Variants in POFUT3 observed in about 807,000 individuals in gnomAD.
POFUT3 encodes the protein GDP-fucose protein O-fucosyltransferase 3.
the POFUT3 span, among the ~76,000 whole-genome samples, chr8:33,411,270 C>T: frequency 4.1e-4 from 63 of 152,270 alleles, no homozygotes; most frequent in African/African-American, 1.2e-3. Flanking sequence ...GACAGGGCAA[C>T]GCTGAAGTCG....
At chr8:33,423,555 C>A in the POFUT3 span, among the ~76,000 whole-genome samples, 1 of 152,122 alleles carries the variant, frequency 6.6e-6, no homozygotes, top group Non-Finnish European at 1.5e-5. Flanking sequence ...CAGGTGTGAG[C>A]CACCATTTCC....
At chr8:33,416,934 G>A in the POFUT3 span, among the ~76,000 whole-genome samples, 4 of 152,110 alleles carry the variant, frequency 2.6e-5, no homozygotes, top group African/African-American at 9.7e-5. Flanking sequence ...CTCTACTTGG[G>A]AAACAGTTAG....
the POFUT3 span, among the ~76,000 whole-genome samples, chr8:33,356,515 GGTT>G: frequency 6.6e-6 from 1 of 151,932 alleles, no homozygotes; most frequent in Non-Finnish European, 1.5e-5. Flanking sequence ...TTTTTGATGG[GGTT>G]GTTTTTTTTT....
At chr8:33,422,926 C>T in the POFUT3 span, among the ~76,000 whole-genome samples, 1 of 152,176 alleles carries the variant, frequency 6.6e-6, no homozygotes, top group South Asian at 2.1e-4. Flanking sequence ...AGCAATGCTC[C>T]CACCTCAGCC....
chr8:33,313,883 A>G, the POFUT3 span, among the ~76,000 whole-genome samples: 1 of 151,866 alleles, frequency 6.6e-6, no homozygotes, highest in East Asian at 1.9e-4. Flanking sequence ...ATGGCTCCCA[A>G]CTCTAACCCC....
At chr8:33,378,268 C>G in the POFUT3 span, among the ~76,000 whole-genome samples, 1 of 152,102 alleles carries the variant, frequency 6.6e-6, no homozygotes. Flanking sequence ...TAAGCCACTG[C>G]GGGAGCAGTA....
chr8:33,382,791 G>A, the POFUT3 span, among the ~76,000 whole-genome samples: 1 of 152,136 alleles, frequency 6.6e-6, no homozygotes. Flanking sequence ...AGGCATGAAC[G>A]AGGGTAAGAG....
chr8:33,451,064 G>GTA, the POFUT3 span, among the ~76,000 whole-genome samples: 1 of 113,342 alleles, frequency 8.8e-6, no homozygotes, highest in African/African-American at 4.1e-5. Context: ...CAAAGGAGGT[G>GTA]TATGTGTGTG....
chr8:33,357,406 A>G, the POFUT3 span, among the ~76,000 whole-genome samples: 4 of 152,008 alleles, frequency 2.6e-5, no homozygotes, highest in Non-Finnish European at 4.4e-5. Context: ...TATTAGCCCA[A>G]GGAGTTGTTC....
the POFUT3 span, among the ~76,000 whole-genome samples, chr8:33,323,456 A>G: frequency 2.6e-5 from 4 of 152,192 alleles, no homozygotes; most frequent in South Asian, 2.1e-4. Context: ...TCTGCTTTCA[A>G]CACAGCGATG....
At chr8:33,430,550 G>A in the POFUT3 span, among the ~76,000 whole-genome samples, 2 of 152,032 alleles carry the variant, frequency 1.3e-5, no homozygotes, top group Non-Finnish European at 2.9e-5. Context: ...AAAACCAGGA[G>A]TTTTACACTT....
the POFUT3 span, among the ~76,000 whole-genome samples, chr8:33,446,352 GA>G: frequency 4.0e-5 from 6 of 151,718 alleles, no homozygotes; most frequent in Non-Finnish European, 7.4e-5. Flanking sequence ...AGCTACTCAG[GA>G]GGCTGAGGCA....
At chr8:33,455,831 A>G in the POFUT3 span, 21 of 455,106 alleles carry the variant, frequency 4.6e-5, no homozygotes, top group Non-Finnish European at 7.9e-5. Context: ...GAAGCATTGC[A>G]TGGAGTCTGT....
chr8:33,380,135 T>TATATATATAC, the POFUT3 span, among the ~76,000 whole-genome samples: 1 of 59,598 alleles, frequency 1.7e-5, no homozygotes, highest in African/African-American at 8.6e-5. Context: ...TATATATATA[T>TATATATATAC]ACTATATATA....
chr8:33,372,551 C>A, the POFUT3 span: 2 of 1,605,162 alleles, frequency 1.2e-6, no homozygotes, highest in South Asian at 2.2e-5. Context: ...AGGCTCTAGT[C>A]TGTTTCATTC....
chr8:33,332,684 G>A, the POFUT3 span, among the ~76,000 whole-genome samples: 1 of 152,080 alleles, frequency 6.6e-6, no homozygotes, highest in Non-Finnish European at 1.5e-5. Context: ...AACATAGATT[G>A]TTTAGCTTTA....
At chr8:33,311,004 G>A in the POFUT3 span, among the ~76,000 whole-genome samples, 1 of 152,200 alleles carries the variant, frequency 6.6e-6, no homozygotes, top group African/African-American at 2.4e-5. Flanking sequence ...GCTGAACAAA[G>A]CATTCGCTTT....
chr8:33,460,166 G>A, the POFUT3 span, among the ~76,000 whole-genome samples: 1 of 150,188 alleles, frequency 6.7e-6, no homozygotes, highest in African/African-American at 2.5e-5. Flanking sequence ...TCCAGCCTGG[G>A]CAACAGAGTG....
chr8:33,380,161 T>TACTATATATATAC, the POFUT3 span, among the ~76,000 whole-genome samples: 17 of 57,020 alleles, frequency 3.0e-4, no homozygotes, highest in East Asian at 8.3e-4. Flanking sequence ...TATATATATA[T>TACTATATATATAC]ACTATATATA....
Sources: allele counts gnomAD v4.1 joint callset (sites outside exome capture counted in the v4.1 genomes callset), GRCh38; gene constraint gnomAD v4.1.1; transcripts MANE v1.5; gene names NCBI Gene and HGNC (gene_info 2026-07-23, HGNC 2026-07-21).